The following PRMT8 variants were observed in gnomAD, a reference collection of about 807,000 sequenced individuals.
PRMT8 encodes the protein protein arginine N-methyltransferase 8.
Under a neutral mutation model 47.1 loss-of-function variants are expected in PRMT8, and 7 were observed. The observed-to-expected ratio is 0.15, with a 90% confidence interval of 0.08 to 0.28. The LOEUF is 0.28. Ranked by LOEUF, PRMT8 falls within the 10% of genes least tolerant of loss-of-function variation. The probability of loss-of-function intolerance (pLI) is 1.00; values close to 1 mark genes in which losing one functional copy is unlikely to be tolerated. For synonymous variants in PRMT8, 188 were observed against 186.5 expected, an observed-to-expected ratio of 1.01 and a Z score of -0.07; for missense variants, 237 against 505.4, an observed-to-expected ratio of 0.47 and a Z score of 5.09.
In PRMT8 at chr12:3,593,083, T is replaced by C. The variant is rs770570129; in HGVS notation, c.1102-16T>C. On this transcript the variant is annotated splice_polypyrimidine_tract_variant and intron_variant, in intron 9 of 9. Coordinates refer to ENST00000382622, the MANE Select transcript of PRMT8 (RefSeq NM_019854.5). The surrounding 1 kb of genome is among the most constrained non-coding windows in gnomAD (Gnocchi z 4.8). ...CAGACGGCCGCCTGACCCTTCGCTC[T>C]CTCTCTGCCTTGCAGCGAGACCTCG... 6 of 1,612,652 alleles carry C rather than the reference T, an allele frequency of 3.7e-6. No individual in the cohort carries two copies. In the Admixed American group the frequency reaches 8.3e-5, roughly 22 times the overall value.
At chr12:3,586,166 A>G (rs1028066336) in intron 8 of PRMT8, among the ~76,000 whole-genome samples, 2 of 151,980 alleles carry the variant, frequency 1.3e-5, no homozygotes, top group Non-Finnish European at 2.9e-5. Context: ...AGCCTGCTGG[A>G]CCCTGTCTAG....
At chr12:3,505,960 G>A (rs552879097) in intron 1 of PRMT8, among the ~76,000 whole-genome samples, 1 of 152,332 alleles carries the variant, frequency 6.6e-6, no homozygotes, top group East Asian at 1.9e-4. Flanking sequence ...GTAAACTTGG[G>A]CGCTGATCAG....
chr12:3,421,612 T>G (rs532552932), intron 1 of PRMT8, among the ~76,000 whole-genome samples: 18 of 152,308 alleles, frequency 1.2e-4, no homozygotes, highest in Non-Finnish European at 1.8e-4. Flanking sequence ...TGGAAAACTT[T>G]GAGACACAAG....
At chr12:3,392,204 A>C (rs1039270947) in intron 1 of PRMT8, among the ~76,000 whole-genome samples, 17 of 151,858 alleles carry the variant, frequency 1.1e-4, no homozygotes, top group African/African-American at 3.4e-4. Context: ...TTTTATTTTT[A>C]TTTTTTTAAA....
chr12:3,540,613 G>GCCCCCCCCCCCCCCCCC lies in PRMT8; in HGVS notation c.90_91insCCCCCCCCCCCCCCCCC (p.Ser31ProfsTer41). ...CCCTTCTCTTCCCCTCAGGTGAACAGCCCCCCCTCCCAGCCCCCCCAGCCC... is the reference window on the plus strand; with the variant it reads ...CCCTTCTCTTCCCCTCAGGTGAACAGCCCCCCCCCCCCCCCCCCCCCCCCTCCCAGCCCCCCCAGCCC... On this transcript the variant is annotated frameshift_variant, in exon 2 of 10. Coordinates refer to ENST00000382622, the MANE Select transcript of PRMT8 (RefSeq NM_019854.5). LOFTEE classifies it high-confidence loss of function. The GCCCCCCCCCCCCCCCCC allele has an allele frequency of 2.4e-5, 27 of 1,130,518 alleles. 1 individual carries two copies. Among genetic ancestry groups the GCCCCCCCCCCCCCCCCC allele is most frequent in the Non-Finnish European group, 3.3e-5 (25 of 752,488 alleles). 70.0% of individuals were successfully genotyped at this position (1,130,518 alleles called of 1,614,324 possible).
chr12:3,387,236 G>T (rs1864149724), intron 1 of PRMT8, among the ~76,000 whole-genome samples: 1 of 152,178 alleles, frequency 6.6e-6, no homozygotes, highest in Non-Finnish European at 1.5e-5. Flanking sequence ...CATTTAAAAA[G>T]CACACAGCAA....
At chr12:3,563,434 G>A (rs1335538331) in intron 4 of PRMT8, among the ~76,000 whole-genome samples, 1 of 151,942 alleles carries the variant, frequency 6.6e-6, no homozygotes, top group Non-Finnish European at 1.5e-5. Flanking sequence ...CATGACACCG[G>A]GGGCTCCCTT....
chr12:3,440,017 A>G (rs917181670), intron 1 of PRMT8, among the ~76,000 whole-genome samples: 12 of 152,090 alleles, frequency 7.9e-5, no homozygotes. Flanking sequence ...AATTACGGGA[A>G]CTGGAGCAGG....
At chr12:3,515,050 C>T (rs1316621474) in intron 1 of PRMT8, among the ~76,000 whole-genome samples, 3 of 151,934 alleles carry the variant, frequency 2.0e-5, no homozygotes, top group Non-Finnish European at 4.4e-5. Context: ...CTAAAAAAAT[C>T]CTCTAAGGAT....
intron 1 of PRMT8, chr12:3,469,388 C>G: frequency 3.8e-6 from 1 of 265,286 alleles, no homozygotes; most frequent in East Asian, 1.1e-4. Flanking sequence ...GGGGCAGGAG[C>G]AAAAAGAGCT....
At position 3,593,681 on chromosome 12, in the gene PRMT8, C is replaced by T. The variant is rs1867363912; in HGVS notation, c.*499C>T. 5.8e-6 allele frequency: 1 copy of T among 172,526 alleles called. No individual in the cohort carries two copies. Among genetic ancestry groups the T allele is most frequent in the Admixed American group, 6.2e-5 (1 of 16,250 alleles). The allele number at this position is 172,526 out of a possible 1,614,324, so 10.7% of individuals were successfully genotyped here. On this transcript the variant is annotated 3_prime_UTR_variant, in exon 10 of 10. Transcript: ENST00000382622. This position sits in a 1 kb window ranked among gnomAD's most constrained non-coding sequence, Gnocchi z 4.8. ...ATTTACCCACAAACACCTGTATATG[C>T]GTGCATATACAACCAAGTGGGTAGA...
At chr12:3,417,258 C>G (rs1864492953) in intron 1 of PRMT8, among the ~76,000 whole-genome samples, 1 of 152,174 alleles carries the variant, frequency 6.6e-6, no homozygotes, top group Non-Finnish European at 1.5e-5. Flanking sequence ...GAATTAGCTG[C>G]TGTTGTGATC....
chr12:3,529,388 C>A (rs1865993527), intron 1 of PRMT8, among the ~76,000 whole-genome samples: 1 of 151,898 alleles, frequency 6.6e-6, no homozygotes, highest in African/African-American at 2.4e-5. Context: ...TTTTTTAACT[C>A]ATTGTTGGGT....
chr12:3,540,716 C>T lies in PRMT8; in HGVS notation c.186C>T (p.Ser62=). 1 of 1,613,450 alleles carries T rather than the reference C, an allele frequency of 6.2e-7. No homozygotes were observed. Among genetic ancestry groups the T allele is most frequent in the African/African-American group, 1.3e-5 (1 of 74,966 alleles). ...QPSCPGRGKM[S]KLLNPEEMTS... ...GCTGCCCAGGACGGGGCAAGATGTC[C>T]AAGCTGCTGAACCCAGAGGAGATGA... Residue 62 remains serine, a synonymous_variant, in exon 2 of 10, where the codon TCC becomes TCT. Transcript: ENST00000382622.
In PRMT8 at chr12:3,593,272, C is replaced by T. The variant is rs1253647158; in HGVS notation, c.*90C>T. The T allele has an allele frequency of 7.9e-6, 9 of 1,140,726 alleles. No individual in the cohort carries two copies. Among genetic ancestry groups the T allele is most frequent in the Non-Finnish European group, 1.1e-5 (9 of 786,150 alleles). The allele number at this position is 1,140,726 out of a possible 1,614,324, so 70.7% of individuals were successfully genotyped here. ...CCAAAGAATACCGTTTGCAGGACTACACACTTGAAAACCAGAGTTTTCAAC... is the reference window on the plus strand; with the variant it reads ...CCAAAGAATACCGTTTGCAGGACTATACACTTGAAAACCAGAGTTTTCAAC... On this transcript the variant is annotated 3_prime_UTR_variant, in exon 10 of 10. Coordinates refer to ENST00000382622, the MANE Select transcript of PRMT8 (RefSeq NM_019854.5). The surrounding 1 kb of genome is among the most constrained non-coding windows in gnomAD (Gnocchi z 4.8).
In PRMT8 at chr12:3,568,857, C is replaced by T. The variant is rs754506728; in HGVS notation, c.624+9C>T. 5 of 1,613,928 alleles carry T rather than the reference C, an allele frequency of 3.1e-6. No individual in the cohort carries two copies. The highest frequency in any genetic ancestry group is 3.4e-6 in the Non-Finnish European group (4 of 1,179,980). The stretch of plus-strand genomic sequence containing the variant: ...CCAGGGACAAGTGGCTGGTAAGTGT[C>T]CTGCATGCTGTCCCCGCGTTGGCCG... On this transcript the variant is annotated intron_variant, in intron 5 of 9. Coordinates refer to ENST00000382622, the MANE Select transcript of PRMT8 (RefSeq NM_019854.5).
intron 1 of PRMT8, among the ~76,000 whole-genome samples, chr12:3,422,563 C>T (rs1864554898): frequency 6.6e-6 from 1 of 152,120 alleles, no homozygotes; most frequent in South Asian, 2.1e-4. Context: ...ATTGATTGAG[C>T]AAGTGGAGAT....
chr12:3,435,981 T>C (rs1864737428), intron 1 of PRMT8, among the ~76,000 whole-genome samples: 1 of 152,274 alleles, frequency 6.6e-6, no homozygotes, highest in Admixed American at 6.5e-5. Context: ...TGAGGCTTGA[T>C]GTCCAATTTA....
At chr12:3,388,969 C>T (rs11062636) in intron 1 of PRMT8, among the ~76,000 whole-genome samples, 92,116 of 151,960 alleles carry the variant, frequency 0.61, 31,504 homozygotes, top group East Asian at 0.91. Context: ...TCCAGTGAAC[C>T]TTAGGCTGTG....
Sources: gnomAD v4.1 joint callset for allele counts (sites outside exome capture counted in the v4.1 genomes callset) on GRCh38, gnomAD v4.1.1 for gene constraint, Gnocchi (gnomAD v3.1) non-coding constraint, MANE v1.5 for transcripts, NCBI Gene and HGNC (gene_info 2026-07-23, HGNC 2026-07-21) for gene names.